Variants in CSMD3 observed in about 807,000 individuals in gnomAD.
CSMD3 encodes the protein CUB and Sushi multiple domains 3.
A neutral mutation model predicts 435.2 loss-of-function variants in CSMD3; 177 were observed. The ratio of observed to expected loss-of-function variants is 0.41; its 90% CI spans 0.36 to 0.46. The LOEUF (loss-of-function observed/expected upper bound fraction) is 0.46. CSMD3 is among the 20% of genes least tolerant of loss of function. CSMD3 has a pLI of 0.34. For synonymous variants in CSMD3, 1,656 were observed against 1,520.5 expected (o/e 1.09, Z -2.07); for missense variants, 4,265 against 4,504.6 (o/e 0.95, Z 1.52).
intron 8 of CSMD3, among the ~76,000 whole-genome samples, chr8:112,950,300 A>G (rs971030402): frequency 2.6e-5 from 4 of 151,844 alleles, no homozygotes; most frequent in African/African-American, 9.7e-5. Flanking sequence ...GCTTTTGGAA[A>G]TATTGTAGTA....
chr8:112,406,925 A>C lies in CSMD3; in HGVS notation c.5606-198T>G, dbSNP rs552205226. 4.6e-5 allele frequency among the ~76,000 whole-genome samples: 7 copies of C among 152,120 alleles called. No homozygotes were observed. The South Asian group carries it at 1.2e-3, about 27-fold the overall frequency. ...AAAATAAATATTGTTATTGTCATCA[A>C]GGTTTTTTATTAGAAAAGTTTTACT... is the stretch of plus-strand genomic sequence containing the variant. On this transcript the variant is annotated intron_variant, in intron 34 of 70. Transcript: ENST00000297405.
intron 2 of CSMD3, among the ~76,000 whole-genome samples, chr8:113,284,044 A>C (rs1014187934): frequency 6.6e-6 from 1 of 152,102 alleles, no homozygotes; most frequent in African/African-American, 2.4e-5. Context: ...TGTGGGGACC[A>C]AAAGGCTTAA....
At chr8:113,432,710 A>G (rs1046367117) in intron 1 of CSMD3, among the ~76,000 whole-genome samples, 1 of 152,106 alleles carries the variant, frequency 6.6e-6, no homozygotes, top group Non-Finnish European at 1.5e-5. Context: ...TAGATAAGTT[A>G]TTTGAGTGAG....
rs370045042 is a variant in CSMD3 at position 112,593,082 on chromosome 8, G to T, written c.3716-5847C>A. On this transcript the variant is annotated intron_variant, in intron 22 of 70. Coordinates refer to ENST00000297405, the MANE Select transcript of CSMD3 (RefSeq NM_198123.2). The stretch of plus-strand genomic sequence containing the variant: ...GTACAAAGAAGGGATTCCAGGCAGA[G>T]TGAAATACTTGAATGAAAGTATAAA... Among the ~76,000 whole-genome samples the T allele has an allele frequency of 1.4e-4, 22 of 152,284 alleles. No individual in the cohort carries two copies. In the South Asian group the frequency reaches 3.7e-3, roughly 26 times the overall value.
intron 10 of CSMD3, among the ~76,000 whole-genome samples, chr8:112,895,812 T>C (rs1225466320): frequency 1.3e-5 from 2 of 151,394 alleles, no homozygotes; most frequent in East Asian, 2.0e-4. Context: ...CAAGGTTAGA[T>C]GGGTTTTAGG....
At chr8:113,372,439 G>A (rs540068328) in intron 1 of CSMD3, among the ~76,000 whole-genome samples, 2 of 152,184 alleles carry the variant, frequency 1.3e-5, no homozygotes, top group South Asian at 2.1e-4. Flanking sequence ...AAGCGGATTG[G>A]AGGATCTTAA....
At chr8:112,420,633 TA>T (rs1812387974) in intron 32 of CSMD3, among the ~76,000 whole-genome samples, 1 of 152,174 alleles carries the variant, frequency 6.6e-6, no homozygotes, top group Non-Finnish European at 1.5e-5. Context: ...ATGAGTCTTT[TA>T]AAGCAGAGAG....
chr8:113,355,295 C>T (rs1249121662), intron 1 of CSMD3, among the ~76,000 whole-genome samples: 1 of 151,608 alleles, frequency 6.6e-6, no homozygotes, highest in Non-Finnish European at 1.5e-5. Flanking sequence ...TATATATATA[C>T]ACTTTGGCTC....
intron 4 of CSMD3, among the ~76,000 whole-genome samples, chr8:113,109,258 C>T (rs572188395): frequency 3.9e-5 from 6 of 152,326 alleles, no homozygotes; most frequent in African/African-American, 1.4e-4. Flanking sequence ...TACATTCATA[C>T]CATTCCAATA....
chr8:112,915,316 G>A (rs112435418), intron 10 of CSMD3, among the ~76,000 whole-genome samples: 1 of 151,490 alleles, frequency 6.6e-6, no homozygotes, highest in Non-Finnish European at 1.5e-5. Flanking sequence ...TCCTTGGTTA[G>A]TTGTTGTTTG....
chr8:112,645,178 G>T lies in CSMD3; in HGVS notation c.3241C>A (p.Pro1081Thr), dbSNP rs138438801. 262 of 1,608,702 alleles carry T rather than the reference G, an allele frequency of 1.6e-4. No homozygotes were observed. The highest frequency in any genetic ancestry group is 3.0e-4 in the Admixed American group (18 of 59,976). The change falls in exon 20 of 71, where the codon CCT (proline) becomes ACT (threonine). Residue 1081 changes from proline to threonine, a missense_variant. Physicochemically the swap from Pro to Thr is conservative, Grantham distance 38 (BLOSUM62 -1). Around this residue, in one of 3 missense-constraint regions of CSMD3, gnomAD observed 3,255 missense variants for 3,380.2 expected, o/e 0.96. Transcript: ENST00000297405. ...VRGPSGTILS[P>T]GYPEFYPNSL... ...TTTGGATAAAATTCCGGGTAACCAGGTGATAAGATTGTTCCACTAGGCCCT... is the reference window on the plus strand; with the variant it reads ...TTTGGATAAAATTCCGGGTAACCAGTTGATAAGATTGTTCCACTAGGCCCT...
At chr8:113,288,952 T>C (rs2093665138) in intron 2 of CSMD3, among the ~76,000 whole-genome samples, 1 of 151,764 alleles carries the variant, frequency 6.6e-6, no homozygotes, top group Admixed American at 6.6e-5. Context: ...ATTTTTACCA[T>C]AATTATTTTG....
chr8:112,782,826 T>C (rs1234886177), intron 13 of CSMD3, among the ~76,000 whole-genome samples: 1 of 151,722 alleles, frequency 6.6e-6, no homozygotes, highest in Admixed American at 6.6e-5. Context: ...AAAAAATCTA[T>C]AGTAGTATAC....
chr8:113,210,048 T>C (rs1043640341), intron 3 of CSMD3, among the ~76,000 whole-genome samples: 2 of 112,224 alleles, frequency 1.8e-5, no homozygotes, highest in South Asian at 5.7e-4. Flanking sequence ...GTGTGTGTGA[T>C]ACACAGTGTT....
At chr8:113,076,739 AGGAT>A (rs1211051093) in intron 5 of CSMD3, among the ~76,000 whole-genome samples, 1 of 152,160 alleles carries the variant, frequency 6.6e-6, no homozygotes, top group African/African-American at 2.4e-5. Flanking sequence ...TCCAAATAGA[AGGAT>A]GGCAAAAGAA....
At chr8:112,357,221 T>G (rs943387298) in intron 38 of CSMD3, among the ~76,000 whole-genome samples, 2 of 152,146 alleles carry the variant, frequency 1.3e-5, no homozygotes, top group Non-Finnish European at 2.9e-5. Context: ...ACTCTTGTTA[T>G]GTTTTAGCAA....
intron 38 of CSMD3, among the ~76,000 whole-genome samples, chr8:112,376,739 C>A (rs1828978452): frequency 6.6e-6 from 1 of 152,130 alleles, no homozygotes; most frequent in Non-Finnish European, 1.5e-5. Context: ...TGTCCATTAT[C>A]TTCTACCTCT....
At chr8:112,506,884 C>A (rs2130933129) in intron 28 of CSMD3, 55 bp from the exon 29 acceptor site, 2 of 1,489,846 alleles carry the variant, frequency 1.3e-6, no homozygotes, top group Non-Finnish European at 9.2e-7. Flanking sequence ...AATTTATTAG[C>A]TATCAATATT....
chr8:112,731,266 A>T (rs2077068566), intron 13 of CSMD3, among the ~76,000 whole-genome samples: 1 of 152,164 alleles, frequency 6.6e-6, no homozygotes, highest in South Asian at 2.1e-4. Context: ...AATTTCTGTC[A>T]TGACTACGTC....
Sources: allele counts gnomAD v4.1 joint callset (sites outside exome capture counted in the v4.1 genomes callset), GRCh38; gene constraint gnomAD v4.1.1; regional missense constraint gnomAD v4.1.1; transcripts MANE v1.5; gene names NCBI Gene and HGNC (gene_info 2026-07-23, HGNC 2026-07-21).